Variants in NEDD4L observed in about 807,000 individuals in gnomAD.
NEDD4L encodes the protein NEDD4 like E3 ubiquitin protein ligase.
In NEDD4L, 54 loss-of-function variants were observed where a neutral mutation model predicts 148.9. That is an observed-to-expected ratio of 0.36 (90% CI 0.29 to 0.45). The LOEUF (loss-of-function observed/expected upper bound fraction) is 0.45, where lower values mean the gene tolerates loss of function less well. NEDD4L is among the 20% of genes least tolerant of loss of function. The pLI is 1.00. For missense variants in NEDD4L, 856 were observed against 1,233.8 expected, an observed-to-expected ratio of 0.69 and a Z score of 4.59; for synonymous variants, 433 against 440.7, an observed-to-expected ratio of 0.98 and a Z score of 0.22.
At chr18:58,055,370 T>C (rs191171237) in intron 1 of NEDD4L, among the ~76,000 whole-genome samples, 287 of 152,318 alleles carry the variant, frequency 1.9e-3, no homozygotes, top group Non-Finnish European at 3.1e-3. Context: ...CAAAGGGGAT[T>C]ATAGGTAATT....
At chr18:58,133,928 T>C (rs1230268053) in intron 1 of NEDD4L, among the ~76,000 whole-genome samples, 1 of 152,200 alleles carries the variant, frequency 6.6e-6, no homozygotes, top group Non-Finnish European at 1.5e-5. Context: ...GAGATAGACG[T>C]TACTTTATGT....
intron 5 of NEDD4L, among the ~76,000 whole-genome samples, chr18:58,277,186 G>A (rs1367152723): frequency 2.6e-5 from 4 of 151,928 alleles, no homozygotes; most frequent in Non-Finnish European, 4.4e-5. Context: ...CTGTGCCTCA[G>A]AACTTTGATT....
intron 25 of NEDD4L, among the ~76,000 whole-genome samples, chr18:58,383,773 C>T (rs2048654870): frequency 6.6e-6 from 1 of 152,170 alleles, no homozygotes; most frequent in Non-Finnish European, 1.5e-5. Flanking sequence ...GCATGTGCAA[C>T]CCTAAGGAAT....
chr18:58,313,152 T>C (rs1467469013), intron 5 of NEDD4L, among the ~76,000 whole-genome samples: 1 of 152,234 alleles, frequency 6.6e-6, no homozygotes, highest in African/African-American at 2.4e-5. Context: ...CATGTGCATT[T>C]TTGTGCTTGA....
rs75552932 is a variant in NEDD4L, at chr18:58,061,877, G to A, written c.48+17169G>A. On this transcript the variant is annotated intron_variant, in intron 1 of 30. Transcript: ENST00000400345. ...TTAGTTGAGAATGATTAGAGGGCTA[G>A]AATGATATATAGCTCTAAATAGGAA... 6.8e-3 allele frequency among the ~76,000 whole-genome samples: 1,030 copies of A among 152,266 alleles called. 10 individuals carry two copies. The highest frequency in any genetic ancestry group is 0.022 in the African/African-American group (927 of 41,554).
intron 24 of NEDD4L, among the ~76,000 whole-genome samples, chr18:58,381,861 C>T (rs978821129): frequency 6.6e-6 from 1 of 152,168 alleles, no homozygotes; most frequent in Non-Finnish European, 1.5e-5. Context: ...TGTTTGGCAT[C>T]CTCCATCCCC....
At chr18:58,344,035 C>T (rs1316591255) in intron 16 of NEDD4L, among the ~76,000 whole-genome samples, 2 of 152,166 alleles carry the variant, frequency 1.3e-5, no homozygotes. Flanking sequence ...ATTATCTGTG[C>T]TACTTGCTCA....
At chr18:58,319,382 C>T (rs2058575653) in intron 6 of NEDD4L, among the ~76,000 whole-genome samples, 1 of 152,192 alleles carries the variant, frequency 6.6e-6, no homozygotes, top group Non-Finnish European at 1.5e-5. Flanking sequence ...TCTAGGGACC[C>T]AGCAGGGCCC....
chr18:58,080,029 G>A (rs1346948490), intron 1 of NEDD4L, among the ~76,000 whole-genome samples: 1 of 152,184 alleles, frequency 6.6e-6, no homozygotes, highest in African/African-American at 2.4e-5. Flanking sequence ...CTGGGCTCGA[G>A]CCATCCTCTC....
At position 58,396,286 on chromosome 18, in the gene NEDD4L, G is replaced by C. The variant is rs1420744624; in HGVS notation, c.*17G>C. 2 of 1,561,730 alleles carry C rather than the reference G, an allele frequency of 1.3e-6. No homozygotes were observed. The highest frequency in any genetic ancestry group is 2.2e-5 in the East Asian group (1 of 44,538). ...GTGGATTAAGCACCCTGTGCCTCGGGGGTGGTTGTTCTTCAAGCAAGTTCT... is the reference window on the plus strand; with the variant it reads ...GTGGATTAAGCACCCTGTGCCTCGGCGGTGGTTGTTCTTCAAGCAAGTTCT... On this transcript the variant is annotated 3_prime_UTR_variant, in exon 31 of 31. Coordinates refer to ENST00000400345, the MANE Select transcript of NEDD4L (RefSeq NM_001144967.3).
chr18:58,133,556 A>G (rs1452369634), intron 1 of NEDD4L, among the ~76,000 whole-genome samples: 2 of 152,224 alleles, frequency 1.3e-5, no homozygotes, highest in African/African-American at 4.8e-5. Context: ...GGCGAGAAAT[A>G]TGTGTAAATA....
chr18:58,258,347 T>A (rs539088913), intron 5 of NEDD4L, among the ~76,000 whole-genome samples: 36 of 152,352 alleles, frequency 2.4e-4, no homozygotes, highest in African/African-American at 8.4e-4. Flanking sequence ...ACTTACCGCA[T>A]GAAGATTGAC....
In NEDD4L at chr18:58,265,324, C is replaced by A. The variant is rs193296682; in HGVS notation, c.297+13270C>A. Among the ~76,000 whole-genome samples the A allele has an allele frequency of 1.2e-4, 18 of 152,184 alleles. 1 individual carries two copies. The highest frequency in any genetic ancestry group is 2.2e-4 in the Non-Finnish European group (15 of 67,972). ...TCTTGGGTGTGGCTGTCATCACAAA[C>A]AATTCCTCTCTTTTCCATCAAATGT... On this transcript the variant is annotated intron_variant, in intron 5 of 30. Transcript: ENST00000400345.
At chr18:58,122,172 G>C (rs762542454) in intron 1 of NEDD4L, among the ~76,000 whole-genome samples, 1 of 152,212 alleles carries the variant, frequency 6.6e-6, no homozygotes, top group Non-Finnish European at 1.5e-5. Flanking sequence ...CCTGATGGCA[G>C]GGTTGGCAGT....
intron 1 of NEDD4L, among the ~76,000 whole-genome samples, chr18:58,115,076 G>T (rs565999968): frequency 2.0e-5 from 3 of 152,058 alleles, no homozygotes; most frequent in Non-Finnish European, 4.4e-5. Context: ...TAGGACTCGC[G>T]CATCTTGGGG....
chr18:58,246,885 A>G (rs1475179881), intron 3 of NEDD4L, among the ~76,000 whole-genome samples: 1 of 152,156 alleles, frequency 6.6e-6, no homozygotes, highest in African/African-American at 2.4e-5. Context: ...TCTCTATTAA[A>G]AATACTTGGC....
intron 2 of NEDD4L, among the ~76,000 whole-genome samples, chr18:58,193,452 G>C (rs2040331574): frequency 6.6e-6 from 1 of 152,140 alleles, no homozygotes; most frequent in Admixed American, 6.5e-5. Context: ...TGGTCACCCA[G>C]CCCTCATCAC....
At chr18:58,249,334 T>C (rs1411225805) in intron 4 of NEDD4L, among the ~76,000 whole-genome samples, 1 of 152,242 alleles carries the variant, frequency 6.6e-6, no homozygotes, top group Non-Finnish European at 1.5e-5. Flanking sequence ...TTACCAGTTA[T>C]ATTCTAGTTA....
chr18:58,223,521 G>A (rs1317294687), intron 2 of NEDD4L, among the ~76,000 whole-genome samples: 2 of 152,030 alleles, frequency 1.3e-5, no homozygotes, highest in Non-Finnish European at 2.9e-5. Flanking sequence ...TGGGATGGGA[G>A]GGTTGTTTGG....
Sources: allele counts gnomAD v4.1 joint callset (sites outside exome capture counted in the v4.1 genomes callset), GRCh38; gene constraint gnomAD v4.1.1; transcripts MANE v1.5; gene names NCBI Gene and HGNC (gene_info 2026-07-23, HGNC 2026-07-21).